Variants in TBC1D5 observed in about 807,000 individuals in gnomAD.
The protein encoded by TBC1D5 is TBC1 domain family member 5, also known as TBC1 domain family, member 5.
A neutral mutation model predicts 100.3 loss-of-function variants in TBC1D5; 75 were observed. The observed-to-expected ratio is 0.75, with a 90% CI of 0.62 to 0.91. TBC1D5 has a LOEUF of 0.91. Among genes scored for constraint, TBC1D5 ranks in the 40% least tolerant of loss-of-function variants. TBC1D5 has a pLI of 0.00. For synonymous variants in TBC1D5, 323 were observed against 325.6 expected, an observed-to-expected ratio of 0.99 and a Z score of 0.09; for missense variants, 910 against 942.4, an observed-to-expected ratio of 0.97 and a Z score of 0.45.
At chr3:17,504,236 C>T (rs2095818312) in intron 3 of TBC1D5, among the ~76,000 whole-genome samples, 1 of 2,324 alleles carries the variant, frequency 4.3e-4, no homozygotes, top group Admixed American at 8.1e-3. Context: ...TATGAGAACA[C>T]ATGGACACAG....
chr3:17,732,649 G>T (rs2076659255), intron 1 of TBC1D5, among the ~76,000 whole-genome samples: 1 of 150,518 alleles, frequency 6.6e-6, no homozygotes, highest in Non-Finnish European at 1.5e-5. Context: ...TGAGACAGAA[G>T]AATGGGAGGT....
chr3:17,583,144 G>A (rs1304609595), intron 2 of TBC1D5, among the ~76,000 whole-genome samples: 1 of 151,962 alleles, frequency 6.6e-6, no homozygotes, highest in Admixed American at 6.6e-5. Context: ...AATTAGCCAG[G>A]TATGGTGGCT....
At chr3:17,306,130 T>C (rs1171403469) in intron 14 of TBC1D5, among the ~76,000 whole-genome samples, 1 of 152,210 alleles carries the variant, frequency 6.6e-6, no homozygotes, top group Admixed American at 6.5e-5. Context: ...CCTTTGTTCA[T>C]GCTGTTCCTT....
intron 4 of TBC1D5, among the ~76,000 whole-genome samples, chr3:17,416,274 A>G (rs546621300): frequency 6.6e-6 from 1 of 152,222 alleles, no homozygotes; most frequent in Non-Finnish European, 1.5e-5. Context: ...CTGACTCCCC[A>G]ATATGGTAAG....
intron 8 of TBC1D5, among the ~76,000 whole-genome samples, chr3:17,385,693 T>G (rs545428134): frequency 2.8e-5 from 4 of 144,292 alleles, no homozygotes; most frequent in East Asian, 3.9e-4. Context: ...TGGTTTTTTG[T>G]TTTTTTTTTC....
intron 1 of TBC1D5, among the ~76,000 whole-genome samples, chr3:17,666,518 G>A (rs1275058716): frequency 6.6e-6 from 1 of 151,972 alleles, no homozygotes; most frequent in East Asian, 1.9e-4. Context: ...ATTAATTTTT[G>A]CAACATTTTA....
At chr3:17,494,637 G>A (rs1050265755) in intron 3 of TBC1D5, among the ~76,000 whole-genome samples, 2 of 152,288 alleles carry the variant, frequency 1.3e-5, no homozygotes, top group East Asian at 3.9e-4. Flanking sequence ...GGGTAGCTCC[G>A]CAGGGAAAGC....
chr3:17,384,085 C>T (rs369789032), intron 8 of TBC1D5, 70 bp from the exon 9 acceptor site: 41 of 1,350,750 alleles, frequency 3.0e-5, no homozygotes, highest in African/African-American at 1.4e-4. Flanking sequence ...ATTCTCATCT[C>T]GAAGACGTGC....
chr3:17,377,331 G>A (rs1157067752), intron 9 of TBC1D5, among the ~76,000 whole-genome samples: 3 of 151,906 alleles, frequency 2.0e-5, no homozygotes, highest in South Asian at 2.1e-4. Context: ...TAGTTACTAA[G>A]CTGTCCTTAA....
intron 13 of TBC1D5, among the ~76,000 whole-genome samples, chr3:17,327,954 A>T (rs2086368202): frequency 6.6e-6 from 1 of 152,102 alleles, no homozygotes; most frequent in Admixed American, 6.5e-5. Context: ...GATATGCTAG[A>T]GTTGGATGTG....
At chr3:17,359,009 A>G (rs924647166) in intron 13 of TBC1D5, among the ~76,000 whole-genome samples, 3 of 152,064 alleles carry the variant, frequency 2.0e-5, no homozygotes, top group Admixed American at 1.3e-4. Context: ...TATTATTATA[A>G]CAAATAATAT....
intron 15 of TBC1D5, among the ~76,000 whole-genome samples, chr3:17,268,821 C>A (rs1052800083): frequency 6.6e-6 from 1 of 152,104 alleles, no homozygotes; most frequent in African/African-American, 2.4e-5. Flanking sequence ...GGGCTTGATG[C>A]CTTTTTCCAG....
chr3:17,306,957 A>G (rs780923626), intron 14 of TBC1D5, among the ~76,000 whole-genome samples: 3 of 152,146 alleles, frequency 2.0e-5, no homozygotes, highest in Non-Finnish European at 4.4e-5. Context: ...CTTTGAGAAA[A>G]CCTAAACTAT....
chr3:17,498,192 A>G (rs1343457705), intron 3 of TBC1D5, among the ~76,000 whole-genome samples: 2 of 152,092 alleles, frequency 1.3e-5, no homozygotes, highest in African/African-American at 4.8e-5. Context: ...GTGCTTTCCT[A>G]TATACTTCAT....
intron 2 of TBC1D5, among the ~76,000 whole-genome samples, chr3:17,592,943 C>T (rs1484105170): frequency 3.3e-5 from 5 of 152,136 alleles, no homozygotes; most frequent in Admixed American, 2.6e-4. Context: ...ACCTGAACTG[C>T]CTATTGTGAA....
chr3:17,704,370 C>A (rs2073670021), intron 1 of TBC1D5, among the ~76,000 whole-genome samples: 1 of 152,042 alleles, frequency 6.6e-6, no homozygotes, highest in Non-Finnish European at 1.5e-5. Context: ...CCTTCCCCAC[C>A]CTTCCCGCCT....
chr3:17,626,500 T>C (rs377714514), intron 1 of TBC1D5, among the ~76,000 whole-genome samples: 9 of 152,268 alleles, frequency 5.9e-5, no homozygotes, highest in South Asian at 2.1e-4. Context: ...GTCAGCAACA[T>C]AGGACTTAGA....
chr3:17,724,286 G>A (rs1378062182), intron 1 of TBC1D5, among the ~76,000 whole-genome samples: 1 of 151,826 alleles, frequency 6.6e-6, no homozygotes, highest in Non-Finnish European at 1.5e-5. Flanking sequence ...GTAGAGATGG[G>A]GTCTTACTAT....
At chr3:17,308,630 TTAAG>T (rs2083651016) in intron 13 of TBC1D5, among the ~76,000 whole-genome samples, 1 of 152,160 alleles carries the variant, frequency 6.6e-6, no homozygotes, top group South Asian at 2.1e-4. Context: ...CATTTTAAAA[TTAAG>T]TGTGGGAAAA....
Sources: gnomAD v4.1 joint callset for allele counts (sites outside exome capture counted in the v4.1 genomes callset) on GRCh38, gnomAD v4.1.1 for gene constraint, MANE v1.5 for transcripts, NCBI Gene and HGNC (gene_info 2026-07-23, HGNC 2026-07-21) for gene names.